Variants in DYM observed in about 807,000 individuals in gnomAD.
The protein encoded by DYM is dyggve-Melchior-Clausen syndrome protein.
A neutral mutation model predicts 93.1 loss-of-function variants in DYM; 78 were observed. The ratio of observed to expected loss-of-function variants is 0.84; its 90% CI spans 0.70 to 1.01. DYM has a LOEUF of 1.01. Among genes scored for constraint, DYM ranks in the 50% least tolerant of loss-of-function variants. The pLI is 0.00. For missense variants in DYM, 789 were observed against 845.0 expected, an observed-to-expected ratio of 0.93 and a Z score of 0.82; for synonymous variants, 321 against 319.7, an observed-to-expected ratio of 1.00 and a Z score of -0.04.
chr18:49,165,743 A>T (rs761071428), intron 14 of DYM, among the ~76,000 whole-genome samples: 8 of 152,212 alleles, frequency 5.3e-5, no homozygotes, highest in Non-Finnish European at 1.0e-4. Context: ...ATGAAATTTT[A>T]TGATACTGGT....
intron 13 of DYM, among the ~76,000 whole-genome samples, chr18:49,222,884 TAGTCAAATGAA>T (rs1020906006): frequency 6.6e-6 from 1 of 152,138 alleles, no homozygotes; most frequent in Admixed American, 6.5e-5. Context: ...TAAAACCGTT[TAGTCAAATGAA>T]AGTCACATGA....
Position 49,378,717 on chromosome 18 carries a change from C to A in DYM, c.288-17G>T. The A allele has an allele frequency of 6.2e-7, 1 of 1,611,450 alleles. No homozygotes were observed. Among genetic ancestry groups the A allele is most frequent in the East Asian group, 2.2e-5 (1 of 44,658 alleles). ...AAGATGTGGCTAGAAAGACCAAAATCATACAAGAATCAATATTTAAACATA... is the reference window on the plus strand; with the variant it reads ...AAGATGTGGCTAGAAAGACCAAAATAATACAAGAATCAATATTTAAACATA... On this transcript the variant is annotated splice_polypyrimidine_tract_variant and intron_variant, in intron 4 of 17. Transcript: ENST00000675505.
intron 8 of DYM, chr18:49,329,496 AG>A (rs1271541052): frequency 6.6e-6 from 1 of 152,252 alleles, no homozygotes; most frequent in Non-Finnish European, 1.5e-5. Context: ...TCTTTCACAG[AG>A]TCTCAGAAAC....
intron 1 of DYM, among the ~76,000 whole-genome samples, chr18:49,442,139 A>G (rs1446464201): frequency 6.6e-6 from 1 of 152,118 alleles, no homozygotes; most frequent in Non-Finnish European, 1.5e-5. Flanking sequence ...ACTCAACAAA[A>G]TCTACTTACA....
chr18:49,442,860 CTT>C (rs199516387), intron 1 of DYM, among the ~76,000 whole-genome samples: 10 of 142,892 alleles, frequency 7.0e-5, no homozygotes, highest in Non-Finnish European at 7.7e-5. Flanking sequence ...ATGATTCCTA[CTT>C]TTTTTTTTTT....
chr18:49,303,341 C>T (rs1334494684), intron 8 of DYM, among the ~76,000 whole-genome samples: 1 of 152,104 alleles, frequency 6.6e-6, no homozygotes, highest in African/African-American at 2.4e-5. Context: ...ATTTAAGGTG[C>T]CCATGATTTT....
rs894314990 is a variant in DYM, at chr18:49,040,666, G to A, written c.*3389C>T. Among the ~76,000 whole-genome samples the A allele has an allele frequency of 6.6e-6, 1 of 152,134 alleles. No homozygotes were observed. Among genetic ancestry groups the A allele is most frequent in the Non-Finnish European group, 1.5e-5 (1 of 68,046 alleles). ...CAAGTGGCAACTACTGATATTGCAG[G>A]ATAGTGCCTAGGAAAGAATTAAGAG... On this transcript the variant is annotated 3_prime_UTR_variant, in exon 18 of 18. Transcript: ENST00000675505.
At chr18:49,329,566 G>C (rs1258128540) in intron 8 of DYM, 1 of 152,186 alleles carries the variant, frequency 6.6e-6, no homozygotes, top group Non-Finnish European at 1.5e-5. Context: ...ACTGCAGAAG[G>C]CCTTGCCTGA....
At chr18:49,348,880 G>C (rs866102563) in intron 6 of DYM, among the ~76,000 whole-genome samples, 1 of 140,790 alleles carries the variant, frequency 7.1e-6, no homozygotes, top group African/African-American at 2.6e-5. Context: ...TTGCACTCCA[G>C]CCGGGTAACA....
chr18:49,217,184 T>C (rs1176665032), intron 13 of DYM, among the ~76,000 whole-genome samples: 7 of 151,824 alleles, frequency 4.6e-5, no homozygotes, highest in Non-Finnish European at 1.0e-4. Context: ...TGAAATGAAG[T>C]GAGAAGGGAA....
intron 14 of DYM, among the ~76,000 whole-genome samples, chr18:49,184,519 GA>G (rs1447133443): frequency 2.0e-5 from 3 of 152,128 alleles, no homozygotes; most frequent in African/African-American, 7.2e-5. Context: ...ATCCACGGGG[GA>G]TACATTCTAA....
chr18:49,088,310 T>C (rs1028260432), intron 17 of DYM, among the ~76,000 whole-genome samples: 5 of 152,108 alleles, frequency 3.3e-5, no homozygotes, highest in Non-Finnish European at 7.4e-5. Context: ...AAGGAAGGGA[T>C]CCAGTTTCAG....
intron 10 of DYM, among the ~76,000 whole-genome samples, chr18:49,276,065 T>A (rs1315023830): frequency 1.3e-5 from 2 of 152,088 alleles, no homozygotes; most frequent in African/African-American, 4.8e-5. Flanking sequence ...TTTAATTTCT[T>A]TCTCTTAATC....
chr18:49,318,343 G>A (rs2062170065), intron 8 of DYM, among the ~76,000 whole-genome samples: 1 of 152,190 alleles, frequency 6.6e-6, no homozygotes, highest in South Asian at 2.1e-4. Context: ...CTTTAAGCTG[G>A]GCATGGTGGC....
At chr18:49,082,303 G>T (rs2078122529) in intron 17 of DYM, among the ~76,000 whole-genome samples, 1 of 152,198 alleles carries the variant, frequency 6.6e-6, no homozygotes, top group Admixed American at 6.5e-5. Context: ...AGCCTGAAAT[G>T]GTTTGCTTCT....
chr18:49,391,402 C>A, intron 3 of DYM, 191 bp downstream of exon 3: 1 of 599,378 alleles, frequency 1.7e-6, no homozygotes, highest in South Asian at 1.8e-5. Context: ...GCAGATATAG[C>A]CAAGCATGTG....
chr18:49,324,395 C>A (rs1196350241), intron 8 of DYM, among the ~76,000 whole-genome samples: 1 of 151,966 alleles, frequency 6.6e-6, no homozygotes, highest in African/African-American at 2.4e-5. Context: ...ATATAATAAC[C>A]TTTTAGATAA....
At chr18:49,236,337 G>A (rs1272384541) in intron 13 of DYM, among the ~76,000 whole-genome samples, 2 of 152,086 alleles carry the variant, frequency 1.3e-5, no homozygotes, top group Non-Finnish European at 2.9e-5. Context: ...AAAATTAGCA[G>A]GGTGTGGTGG....
Position 49,196,282 on chromosome 18 carries a change from T to C in DYM, c.1625+13269A>G, listed in dbSNP as rs549173131. 1.1e-4 allele frequency among the ~76,000 whole-genome samples: 16 copies of C among 152,332 alleles called. No individual in the cohort carries two copies. The East Asian group carries it at 3.1e-3, about 29-fold the overall frequency. Reference sequence around the variant, plus strand: ...GCTTTATAACAGGATCACACTTTACTGCTTCTCTAAGTCTATTGAAAAGTG... The same window carrying C: ...GCTTTATAACAGGATCACACTTTACCGCTTCTCTAAGTCTATTGAAAAGTG... On this transcript the variant is annotated intron_variant, in intron 14 of 17. Coordinates refer to ENST00000675505, the MANE Select transcript of DYM (RefSeq NM_001353214.3).
Sources: allele counts gnomAD v4.1 joint callset (sites outside exome capture counted in the v4.1 genomes callset), GRCh38; gene constraint gnomAD v4.1.1; transcripts MANE v1.5; gene names NCBI Gene and HGNC (gene_info 2026-07-23, HGNC 2026-07-21).